CTNND2: variants seen among roughly 807,000 people sequenced by gnomAD.
CTNND2 encodes catenin delta-2.
In CTNND2, 22 loss-of-function variants were observed where a neutral mutation model predicts 144.4. That is an observed-to-expected ratio of 0.15 (90% CI 0.11 to 0.22). The LOEUF (loss-of-function observed/expected upper bound fraction) is 0.22. CTNND2 is among the 10% of genes least tolerant of loss of function. The pLI is 1.00. For missense variants in CTNND2, 1,353 were observed against 1,618.8 expected, an observed-to-expected ratio of 0.84 and a Z score of 2.82; for synonymous variants, 751 against 695.6, an observed-to-expected ratio of 1.08 and a Z score of -1.25.
chr5:11,403,248 T>G (rs1391817550), intron 5 of CTNND2, among the ~76,000 whole-genome samples: 15 of 152,146 alleles, frequency 9.9e-5, no homozygotes. Flanking sequence ...TTCCCTTCCC[T>G]GTGTCCATGG....
In CTNND2 at chr5:11,903,352, G is replaced by C; in HGVS notation, c.37+465C>G. On this transcript the variant is annotated intron_variant, in intron 1 of 21. Transcript: ENST00000304623. This position sits in a 1 kb window ranked among gnomAD's most constrained non-coding sequence, Gnocchi z 5.4. ...CACGGCCATGGACGCATATGACTAAGTCTTTCCATTTTGTTCTAGCCAAAC... is the reference window on the plus strand; with the variant it reads ...CACGGCCATGGACGCATATGACTAACTCTTTCCATTTTGTTCTAGCCAAAC... 4.0e-6 allele frequency: 4 copies of C among 990,242 alleles called. No individual in the cohort carries two copies. Among genetic ancestry groups the C allele is most frequent in the Non-Finnish European group, 4.8e-6 (4 of 833,342 alleles). The allele number at this position is 990,242 out of a possible 1,614,324, so 61.3% of individuals were successfully genotyped here. A position where few individuals can be genotyped will look rare whatever the true frequency, so the allele number is the denominator to read the frequency against.
At chr5:11,574,690 G>A (rs1162438742) in intron 2 of CTNND2, among the ~76,000 whole-genome samples, 2 of 152,080 alleles carry the variant, frequency 1.3e-5, no homozygotes, top group African/African-American at 4.8e-5. Context: ...TCAAATAATG[G>A]CCCTTAACTT....
intron 3 of CTNND2, among the ~76,000 whole-genome samples, chr5:11,499,824 C>A (rs1334038877): frequency 1.3e-5 from 2 of 152,090 alleles, no homozygotes; most frequent in South Asian, 4.1e-4. Context: ...TAGTACCTTC[C>A]TAAATTCTCT....
intron 1 of CTNND2, among the ~76,000 whole-genome samples, chr5:11,734,011 T>C (rs963706166): frequency 3.3e-5 from 5 of 152,026 alleles, no homozygotes; most frequent in African/African-American, 1.2e-4. Flanking sequence ...GATGAGTCCT[T>C]ATAAAAGAGG....
At chr5:11,569,657 T>C (rs1033423517) in intron 2 of CTNND2, among the ~76,000 whole-genome samples, 16 of 152,324 alleles carry the variant, frequency 1.1e-4, no homozygotes, top group African/African-American at 3.6e-4. Flanking sequence ...AACTTTGTGG[T>C]ATAGCATTAG....
intron 3 of CTNND2, among the ~76,000 whole-genome samples, chr5:11,430,138 C>T (rs544642632): frequency 1.3e-5 from 2 of 149,906 alleles, no homozygotes; most frequent in Admixed American, 6.7e-5. Context: ...TAGTCCCAGA[C>T]ACCTGGGAGG....
chr5:11,786,521 A>C (rs149324675), intron 1 of CTNND2, among the ~76,000 whole-genome samples: 2,045 of 152,344 alleles, frequency 0.013, 19 homozygotes, highest in South Asian at 0.024. Flanking sequence ...TGATAATTCA[A>C]TTCTTCCCTA....
chr5:11,805,587 C>T (rs1791947820), intron 1 of CTNND2, among the ~76,000 whole-genome samples: 1 of 151,788 alleles, frequency 6.6e-6, no homozygotes, highest in South Asian at 2.1e-4. Flanking sequence ...CTCAGTAGCC[C>T]CTTTGAAGAA....
chr5:11,695,541 T>A (rs1273182124), intron 2 of CTNND2, among the ~76,000 whole-genome samples: 1 of 152,234 alleles, frequency 6.6e-6, no homozygotes, highest in Non-Finnish European at 1.5e-5. Flanking sequence ...CAGAGATGTT[T>A]TCCTATTTGT....
chr5:11,447,053 G>T (rs1273843201), intron 3 of CTNND2, among the ~76,000 whole-genome samples: 1 of 151,954 alleles, frequency 6.6e-6, no homozygotes, highest in South Asian at 2.1e-4. Flanking sequence ...CCCTTCCCGG[G>T]TAACAACAAC....
In CTNND2 at chr5:10,973,134, C is replaced by T. The variant is rs61752748; in HGVS notation, c.*319G>A. 126 of 235,560 alleles carry T rather than the reference C, an allele frequency of 5.3e-4. No homozygotes were observed. In the East Asian group the frequency reaches 0.01, roughly 19 times the overall value. 14.6% of individuals were successfully genotyped at this position (235,560 alleles called of 1,614,324 possible). A position where few individuals can be genotyped will look rare whatever the true frequency, so the allele number is the denominator to read the frequency against. On this transcript the variant is annotated 3_prime_UTR_variant, in exon 22 of 22. Coordinates refer to ENST00000304623, the MANE Select transcript of CTNND2 (RefSeq NM_001332.4). The surrounding 1 kb of genome is among the most constrained non-coding windows in gnomAD (Gnocchi z 5.6). Reference sequence around the variant, plus strand: ...GCTTAACGATAACCCTTACGCCCCACCGGCCCGAATGCCTCGTCTCTCCTC... The same window carrying T: ...GCTTAACGATAACCCTTACGCCCCATCGGCCCGAATGCCTCGTCTCTCCTC...
At chr5:11,121,981 C>T (rs1754186870) in intron 12 of CTNND2, among the ~76,000 whole-genome samples, 1 of 152,176 alleles carries the variant, frequency 6.6e-6, no homozygotes, top group African/African-American at 2.4e-5. Context: ...CTGGGACTTT[C>T]TGGAGAGTAG....
At chr5:11,280,536 G>T (rs1335181683) in intron 9 of CTNND2, among the ~76,000 whole-genome samples, 4 of 152,158 alleles carry the variant, frequency 2.6e-5, no homozygotes, top group Non-Finnish European at 5.9e-5. Flanking sequence ...TCTTTTGCAA[G>T]GACATTAGTT....
chr5:11,318,724 C>A (rs1445220909), intron 9 of CTNND2, among the ~76,000 whole-genome samples: 1 of 152,070 alleles, frequency 6.6e-6, no homozygotes, highest in Non-Finnish European at 1.5e-5. Context: ...TCCTTCCTTA[C>A]AACGATGCCC....
At chr5:11,002,065 T>A (rs1740014951) in intron 18 of CTNND2, among the ~76,000 whole-genome samples, 1 of 152,180 alleles carries the variant, frequency 6.6e-6, no homozygotes, top group African/African-American at 2.4e-5. Flanking sequence ...CACAGATCCA[T>A]AGGGGAATCA....
intron 1 of CTNND2, among the ~76,000 whole-genome samples, chr5:11,744,984 C>T (rs537462559): frequency 9.2e-5 from 14 of 152,180 alleles, no homozygotes; most frequent in African/African-American, 3.1e-4. Context: ...GATCCACCCA[C>T]CTCGGCCAAA....
At chr5:11,528,991 G>A (rs775039599) in intron 3 of CTNND2, among the ~76,000 whole-genome samples, 2 of 152,220 alleles carry the variant, frequency 1.3e-5, no homozygotes, top group African/African-American at 4.8e-5. Context: ...GACAGGTATG[G>A]AGTGATGAAA....
At chr5:11,303,824 C>T (rs1486451863) in intron 9 of CTNND2, among the ~76,000 whole-genome samples, 2 of 152,110 alleles carry the variant, frequency 1.3e-5, no homozygotes, top group Non-Finnish European at 2.9e-5. Context: ...GTGTCCCCAC[C>T]CAAATCTCAT....
At chr5:11,588,775 G>A (rs538019852) in intron 2 of CTNND2, 2 of 985,204 alleles carry the variant, frequency 2.0e-6, no homozygotes, top group Non-Finnish European at 2.4e-6. Context: ...TTAAATACTT[G>A]AAAACTGTAG....
Sources: gnomAD v4.1 joint callset for allele counts (sites outside exome capture counted in the v4.1 genomes callset) on GRCh38, gnomAD v4.1.1 for gene constraint, Gnocchi (gnomAD v3.1) non-coding constraint, MANE v1.5 for transcripts, NCBI Gene and HGNC (gene_info 2026-07-23, HGNC 2026-07-21) for gene names.